The following RAB38 variants were observed in gnomAD, a reference collection of about 807,000 sequenced individuals.
RAB38 encodes RAB38, member RAS oncogene family.
RAB38 carries 15 observed loss-of-function variants against 18.4 expected under a neutral mutation model. That is an observed-to-expected ratio of 0.82 (90% confidence interval 0.55 to 1.26). The LOEUF (loss-of-function observed/expected upper bound fraction) is 1.26, where lower values mean the gene tolerates loss of function less well. Ranked by LOEUF, RAB38 falls within the 50% of genes most tolerant of loss-of-function variation. The pLI, the probability that RAB38 is intolerant of heterozygous loss-of-function variation, is 0.00. For synonymous variants in RAB38, 101 were observed against 104.4 expected (o/e 0.97, Z 0.20); for missense variants, 294 against 267.4 (o/e 1.10, Z -0.69).
the RAB38 span, chr11:87,815,523 ATCCGTGAAGGATTGTT>A: frequency 6.6e-6 from 1 of 152,198 alleles, no homozygotes; most frequent in African/African-American, 2.4e-5. Context: ...TTTGTCCGAG[ATCCGTGAAGGATTGTT>A]AGATCATGTT....
chr11:87,902,505 T>TTACC, the RAB38 span, among the ~76,000 whole-genome samples: 1 of 151,422 alleles, frequency 6.6e-6, no homozygotes, highest in South Asian at 2.1e-4. Context: ...GTTATTTGCA[T>TTACC]TACCACACAA....
chr11:87,804,724 C>A, the RAB38 span, among the ~76,000 whole-genome samples: 1 of 152,130 alleles, frequency 6.6e-6, no homozygotes, highest in Non-Finnish European at 1.5e-5. Flanking sequence ...GCTGGGATAT[C>A]TGCTGTATAC....
downstream of RAB38, among the ~76,000 whole-genome samples, chr11:88,111,764 T>C (rs370653841): frequency 7.9e-5 from 12 of 152,232 alleles, no homozygotes; most frequent in Non-Finnish European, 1.6e-4. Flanking sequence ...GAGTTTCTCA[T>C]TGATGCAGGT....
the RAB38 span, among the ~76,000 whole-genome samples, chr11:87,945,799 C>T: frequency 6.6e-6 from 1 of 152,156 alleles, no homozygotes; most frequent in Non-Finnish European, 1.5e-5. Context: ...AATGTAAAAG[C>T]TGCCCTGCTA....
chr11:87,944,593 C>T, the RAB38 span, among the ~76,000 whole-genome samples: 1 of 152,142 alleles, frequency 6.6e-6, no homozygotes, highest in African/African-American at 2.4e-5. Context: ...TGTGTGGTCA[C>T]CTCCAGACCA....
the RAB38 span, among the ~76,000 whole-genome samples, chr11:87,865,983 ATTTG>A: frequency 6.6e-6 from 1 of 151,688 alleles, no homozygotes; most frequent in Non-Finnish European, 1.5e-5. Flanking sequence ...ACAATAAATT[ATTTG>A]TTAGCCTTTG....
chr11:88,133,274 T>A (rs561893756), intron 2 of RAB38, among the ~76,000 whole-genome samples: 103 of 152,324 alleles, frequency 6.8e-4, no homozygotes, highest in African/African-American at 2.5e-3. Context: ...GCTGGGAATT[T>A]GTGAAAGCCA....
chr11:87,813,766 A>G, the RAB38 span, among the ~76,000 whole-genome samples: 1 of 151,866 alleles, frequency 6.6e-6, no homozygotes, highest in East Asian at 1.9e-4. Flanking sequence ...AACACTCTTT[A>G]TGCCAAGTTC....
chr11:87,941,214 G>GATATATATATATATAGATATATAT, the RAB38 span, among the ~76,000 whole-genome samples: 1 of 62,538 alleles, frequency 1.6e-5, no homozygotes, highest in African/African-American at 7.6e-5. Context: ...AAATATATGA[G>GATATATATATATATAGATATATAT]ATATATATAT....
chr11:87,912,106 T>C, the RAB38 span, among the ~76,000 whole-genome samples: 872 of 152,156 alleles, frequency 5.7e-3, 9 homozygotes, highest in African/African-American at 0.019. Flanking sequence ...TTCAATTTTC[T>C]AAAATGTTAA....
the RAB38 span, among the ~76,000 whole-genome samples, chr11:87,893,249 GTTA>G: frequency 1.3e-5 from 2 of 150,060 alleles, no homozygotes; most frequent in East Asian, 4.0e-4. Context: ...CAGAGTTTTA[GTTA>G]TCAAAGATGA....
chr11:88,037,765 CTTA>C, the RAB38 span, among the ~76,000 whole-genome samples: 75 of 152,020 alleles, frequency 4.9e-4, no homozygotes, highest in Admixed American at 3.3e-4. Context: ...CAGTTCATAT[CTTA>C]TTATTAATAG....
the RAB38 span, among the ~76,000 whole-genome samples, chr11:87,911,583 T>C: frequency 6.6e-6 from 1 of 152,054 alleles, no homozygotes; most frequent in East Asian, 1.9e-4. Context: ...TATAGAAACA[T>C]GATTGATTTT....
the RAB38 span, among the ~76,000 whole-genome samples, chr11:87,916,453 T>C: frequency 6.6e-6 from 1 of 152,152 alleles, no homozygotes; most frequent in Non-Finnish European, 1.5e-5. Flanking sequence ...GAGCATGTTT[T>C]GTTATAAAGT....
At chr11:88,118,758 C>A (rs964466862) in intron 2 of RAB38, among the ~76,000 whole-genome samples, 2 of 152,170 alleles carry the variant, frequency 1.3e-5, no homozygotes, top group Admixed American at 1.3e-4. Context: ...CACCACTGCT[C>A]AGAATCTTTC....
the RAB38 span, among the ~76,000 whole-genome samples, chr11:88,075,358 C>A: frequency 4.6e-5 from 7 of 151,820 alleles, no homozygotes; most frequent in African/African-American, 1.7e-4. Context: ...TTTCTGACAA[C>A]AATGGAATAA....
At chr11:87,825,240 G>A in the RAB38 span, among the ~76,000 whole-genome samples, 39,443 of 152,004 alleles carry the variant, frequency 0.26, 6,844 homozygotes, top group African/African-American at 0.49. Context: ...GAATATTAGT[G>A]AAAATGAAGG....
At chr11:88,030,084 A>G in the RAB38 span, among the ~76,000 whole-genome samples, 1 of 152,114 alleles carries the variant, frequency 6.6e-6, no homozygotes, top group African/African-American at 2.4e-5. Context: ...CTCACTCAAA[A>G]CCACTCAACT....
the RAB38 span, among the ~76,000 whole-genome samples, chr11:88,088,671 T>C: frequency 1.3e-5 from 2 of 152,050 alleles, no homozygotes; most frequent in African/African-American, 4.8e-5. Flanking sequence ...GAGTTAGTTT[T>C]TTTTTTAGGT....
Sources: gnomAD v4.1 joint callset for allele counts (sites outside exome capture counted in the v4.1 genomes callset) on GRCh38, gnomAD v4.1.1 for gene constraint, MANE v1.5 for transcripts, NCBI Gene and HGNC (gene_info 2026-07-23, HGNC 2026-07-21) for gene names.